The following FUT8 variants were observed in gnomAD, a reference collection of about 807,000 sequenced individuals.
FUT8 encodes fucosyltransferase 8.
FUT8 carries 29 observed loss-of-function variants against 71.3 expected under a neutral mutation model. The ratio of observed to expected loss-of-function variants is 0.41; its 90% confidence interval spans 0.30 to 0.55. FUT8 has a LOEUF of 0.55. Among genes scored for constraint, FUT8 ranks in the 20% least tolerant of loss-of-function variants. The pLI, the probability that FUT8 is intolerant of heterozygous loss-of-function variation, is 0.34. For missense variants in FUT8, 544 were observed against 702.1 expected, an observed-to-expected ratio of 0.77 and a Z score of 2.55; for synonymous variants, 254 against 239.3, an observed-to-expected ratio of 1.06 and a Z score of -0.57.
chr14:65,442,150 A>G (rs1303178981), intron 1 of FUT8, among the ~76,000 whole-genome samples: 3 of 151,870 alleles, frequency 2.0e-5, no homozygotes, highest in Non-Finnish European at 4.4e-5. Flanking sequence ...GCATGAATCC[A>G]GAGCAAAACA....
chr14:65,581,013 A>G (rs760673518), intron 3 of FUT8, among the ~76,000 whole-genome samples: 6 of 152,102 alleles, frequency 3.9e-5, no homozygotes, highest in African/African-American at 1.4e-4. Context: ...TACCCAGCAA[A>G]ATACTATTTC....
In FUT8 at chr14:65,483,809, T is replaced by C. The variant is rs889192604; in HGVS notation, c.-228+28091T>C. On this transcript the variant is annotated intron_variant, in intron 2 of 10. Coordinates refer to ENST00000673929, the MANE Select transcript of FUT8 (RefSeq NM_001371533.1). The surrounding 1 kb of genome is among the most constrained non-coding windows in gnomAD (Gnocchi z 4.4). The stretch of plus-strand genomic sequence containing the variant: ...GTGTGGTGGCATGATATCAGCTCAC[T>C]GCAACCTTCACCTTCTGGTTTCAAG... Among the ~76,000 whole-genome samples, 5 of 151,984 alleles carry C rather than the reference T, an allele frequency of 3.3e-5. No homozygotes were observed. In the South Asian group the frequency reaches 1.0e-3, roughly 32 times the overall value.
chr14:65,523,122 A>G (rs949532502), intron 2 of FUT8, among the ~76,000 whole-genome samples: 2 of 152,136 alleles, frequency 1.3e-5, no homozygotes, highest in African/African-American at 2.4e-5. Context: ...TGGTATTTCT[A>G]GTTCTAGATC....
Position 65,467,143 on chromosome 14 carries a change from A to G in FUT8, c.-228+11425A>G, listed in dbSNP as rs993494236. Among the ~76,000 whole-genome samples the G allele has an allele frequency of 2.0e-5, 3 of 152,004 alleles. No homozygotes were observed. Among genetic ancestry groups the G allele is most frequent in the Non-Finnish European group, 4.4e-5 (3 of 68,004 alleles). On this transcript the variant is annotated intron_variant, in intron 2 of 10. Transcript: ENST00000673929. This position sits in a 1 kb window ranked among gnomAD's most constrained non-coding sequence, Gnocchi z 4.1. ...TTCTTTCTGAATAACTTCTGTTAACATTTCTTGCAAGTCATGTTTATTGGG... is the reference window on the plus strand; with the variant it reads ...TTCTTTCTGAATAACTTCTGTTAACGTTTCTTGCAAGTCATGTTTATTGGG...
At chr14:65,578,843 G>A (rs916218627) in intron 3 of FUT8, among the ~76,000 whole-genome samples, 12 of 152,046 alleles carry the variant, frequency 7.9e-5, no homozygotes, top group Non-Finnish European at 1.6e-4. Flanking sequence ...TGCTTTTCTT[G>A]TTATTGTTGC....
the FUT8 span, among the ~76,000 whole-genome samples, chr14:65,359,273 C>T: frequency 2.0e-5 from 3 of 152,010 alleles, no homozygotes; most frequent in African/African-American, 4.8e-5. Flanking sequence ...TGCTGCCCGT[C>T]GAAAATGAGA....
chr14:65,441,680 G>T (rs1457149895), intron 1 of FUT8, among the ~76,000 whole-genome samples: 1 of 145,302 alleles, frequency 6.9e-6, no homozygotes, highest in Non-Finnish European at 1.5e-5. Context: ...CTGAATCCGG[G>T]AGGCAGAGGT....
At chr14:65,561,259 T>A (rs953539207) in intron 2 of FUT8, 78 bp from the exon 3 acceptor site, 1 of 270,106 alleles carries the variant, frequency 3.7e-6, no homozygotes, top group African/African-American at 2.2e-5. Context: ...AACACCAATG[T>A]GTTTCCTCCA....
At chr14:65,482,648 C>T (rs970416737) in intron 2 of FUT8, among the ~76,000 whole-genome samples, 1 of 152,112 alleles carries the variant, frequency 6.6e-6, no homozygotes, top group Non-Finnish European at 1.5e-5. Context: ...AATCGGGTCA[C>T]GTTAACCCAT....
At chr14:65,389,137 G>A in the FUT8 span, among the ~76,000 whole-genome samples, 2 of 150,614 alleles carry the variant, frequency 1.3e-5, no homozygotes, top group African/African-American at 2.4e-5. Flanking sequence ...GGGATTACAG[G>A]TGCAAGCCAC....
At chr14:65,521,336 AAC>A (rs2139861423) in intron 2 of FUT8, among the ~76,000 whole-genome samples, 2 of 152,332 alleles carry the variant, frequency 1.3e-5, no homozygotes, top group East Asian at 3.8e-4. Flanking sequence ...TATGGATAAA[AAC>A]ATATATATTA....
In FUT8 at chr14:65,467,700, T is replaced by C. The variant is rs988002689; in HGVS notation, c.-228+11982T>C. 1.2e-5 allele frequency: 5 copies of C among 401,750 alleles called. No homozygotes were observed. The highest frequency in any genetic ancestry group is 1.1e-4 in the South Asian group (4 of 37,390). The allele number at this position is 401,750 out of a possible 1,614,324, so 24.9% of individuals were successfully genotyped here. On this transcript the variant is annotated intron_variant, in intron 2 of 10. Transcript: ENST00000673929. The surrounding 1 kb of genome is among the most constrained non-coding windows in gnomAD (Gnocchi z 4.1). ...TATGTTGGCCAGGCTGGTCTCGAAC[T>C]CCTGACCTCATGGTCTGCCCGCCTC...
At chr14:65,716,431 CT>C (rs201105372) in intron 7 of FUT8, among the ~76,000 whole-genome samples, 220 of 99,096 alleles carry the variant, frequency 2.2e-3, no homozygotes, top group Middle Eastern at 5.7e-3. Context: ...GACAGGATTT[CT>C]TTTTTTTTTT....
At chr14:65,482,378 A>G (rs1158263269) in intron 2 of FUT8, among the ~76,000 whole-genome samples, 2 of 151,962 alleles carry the variant, frequency 1.3e-5, no homozygotes, top group Non-Finnish European at 2.9e-5. Flanking sequence ...TTAAAGTGAC[A>G]AATGTACAGG....
intron 10 of FUT8, among the ~76,000 whole-genome samples, chr14:65,738,545 A>G (rs541619809): frequency 6.6e-6 from 1 of 152,200 alleles, no homozygotes; most frequent in African/African-American, 2.4e-5. Flanking sequence ...AATAAAGTTA[A>G]ACATACTACA....
chr14:65,581,681 C>T (rs1376405195), intron 3 of FUT8, among the ~76,000 whole-genome samples: 1 of 151,976 alleles, frequency 6.6e-6, no homozygotes, highest in Non-Finnish European at 1.5e-5. Flanking sequence ...CCATTCCAGT[C>T]GTGTCCAGTT....
chr14:65,361,099 T>C, the FUT8 span, among the ~76,000 whole-genome samples: 2 of 152,316 alleles, frequency 1.3e-5, no homozygotes, highest in African/African-American at 4.8e-5. Flanking sequence ...GGCTCATGCC[T>C]GTAATCCCAG....
intron 2 of FUT8, among the ~76,000 whole-genome samples, chr14:65,509,596 C>G (rs145377951): frequency 6.6e-6 from 1 of 152,110 alleles, no homozygotes; most frequent in Non-Finnish European, 1.5e-5. Flanking sequence ...CAATTTCTTT[C>G]ATCAATATAG....
At chr14:65,657,615 A>G (rs1223944243) in intron 6 of FUT8, among the ~76,000 whole-genome samples, 1 of 152,162 alleles carries the variant, frequency 6.6e-6, no homozygotes, top group African/African-American at 2.4e-5. Flanking sequence ...TGTGGGAGCT[A>G]AAAATTAAAA....
Sources: allele counts gnomAD v4.1 joint callset (sites outside exome capture counted in the v4.1 genomes callset), GRCh38; gene constraint gnomAD v4.1.1; non-coding constraint Gnocchi (gnomAD v3.1); transcripts MANE v1.5; gene names NCBI Gene and HGNC (gene_info 2026-07-23, HGNC 2026-07-21).